The following KCTD8 variants were observed in gnomAD, a reference collection of about 807,000 sequenced individuals.
KCTD8 encodes BTB/POZ domain-containing protein KCTD8.
A neutral mutation model predicts 31.5 loss-of-function variants in KCTD8; 27 were observed. The ratio of observed to expected loss-of-function variants is 0.86; its 90% CI spans 0.63 to 1.18. The LOEUF is 1.18. KCTD8 is among the 50% of genes most tolerant of loss of function. KCTD8 has a pLI of 0.00. For missense variants in KCTD8, 658 were observed against 647.7 expected, an observed-to-expected ratio of 1.02 and a Z score of -0.17; for synonymous variants, 290 against 280.0, an observed-to-expected ratio of 1.04 and a Z score of -0.36.
chr4:44,421,389 G>A (rs1028795511), intron 1 of KCTD8, among the ~76,000 whole-genome samples: 2 of 151,718 alleles, frequency 1.3e-5, no homozygotes, highest in Non-Finnish European at 2.9e-5. Flanking sequence ...TTAAACATGC[G>A]TAAGTATCAC....
intron 1 of KCTD8, among the ~76,000 whole-genome samples, chr4:44,369,848 T>C (rs1719738233): frequency 6.6e-6 from 1 of 152,094 alleles, no homozygotes; most frequent in African/African-American, 2.4e-5. Context: ...CAGTAATAGA[T>C]GGACACAATT....
chr4:44,436,485 G>A (rs1439271798), intron 1 of KCTD8, among the ~76,000 whole-genome samples: 1 of 151,924 alleles, frequency 6.6e-6, no homozygotes, highest in Non-Finnish European at 1.5e-5. Context: ...TTTTAAAAAG[G>A]CTATATTTTT....
intron 1 of KCTD8, among the ~76,000 whole-genome samples, chr4:44,243,866 C>T (rs532227187): frequency 6.6e-6 from 1 of 152,290 alleles, no homozygotes; most frequent in African/African-American, 2.4e-5. Context: ...TAAATATCTT[C>T]CCATAGGTTA....
rs1216745329 is a variant in KCTD8, at chr4:44,279,084, C to A, written c.962-103834G>T. 3.3e-5 allele frequency among the ~76,000 whole-genome samples: 5 copies of A among 151,972 alleles called. 1 individual carries two copies. In the East Asian group the frequency reaches 9.7e-4, roughly 29 times the overall value. ...TGTGGCTTGGGATAAATTGGCTATA[C>A]CTTTACATTTCATTTTTATGTGTAA... On this transcript the variant is annotated intron_variant, in intron 1 of 1. Transcript: ENST00000360029.
At chr4:44,370,877 G>T (rs1408187493) in intron 1 of KCTD8, among the ~76,000 whole-genome samples, 2 of 152,134 alleles carry the variant, frequency 1.3e-5, no homozygotes, top group Non-Finnish European at 2.9e-5. Context: ...ATTAGTCAAG[G>T]TTCTCCAAAG....
intron 1 of KCTD8, among the ~76,000 whole-genome samples, chr4:44,343,986 G>A (rs986817486): frequency 6.6e-6 from 1 of 151,878 alleles, no homozygotes; most frequent in African/African-American, 2.4e-5. Context: ...AGCCTCCCAG[G>A]TAGCGGGGAC....
At chr4:44,233,689 T>G (rs533097635) in intron 1 of KCTD8, among the ~76,000 whole-genome samples, 1 of 152,288 alleles carries the variant, frequency 6.6e-6, no homozygotes, top group African/African-American at 2.4e-5. Flanking sequence ...ATATCAAAGG[T>G]TACCAACATT....
At position 44,394,706 on chromosome 4, in the gene KCTD8, G is replaced by A. The variant is rs559888593; in HGVS notation, c.961+52857C>T. On this transcript the variant is annotated intron_variant, in intron 1 of 1. Coordinates refer to ENST00000360029, the MANE Select transcript of KCTD8 (RefSeq NM_198353.3). ...TAAGACAGGTGAAGCATTACATCTA[G>A]GGATTTTGCTTACAACTCTAAACCA... 2.0e-5 allele frequency among the ~76,000 whole-genome samples: 3 copies of A among 152,076 alleles called. No individual in the cohort carries two copies. The East Asian group carries it at 5.8e-4, about 30-fold the overall frequency.
chr4:44,331,320 C>A (rs1245125478), intron 1 of KCTD8, among the ~76,000 whole-genome samples: 1 of 151,714 alleles, frequency 6.6e-6, no homozygotes, highest in African/African-American at 2.4e-5. Context: ...GGCAGGCATA[C>A]CCAGTGTTGA....
At chr4:44,205,290 C>A (rs1714268994) in intron 1 of KCTD8, among the ~76,000 whole-genome samples, 1 of 152,112 alleles carries the variant, frequency 6.6e-6, no homozygotes, top group Admixed American at 6.5e-5. Flanking sequence ...TTGACTGTAA[C>A]AATCTGGAAA....
chr4:44,235,500 T>G (rs1344978659), intron 1 of KCTD8, among the ~76,000 whole-genome samples: 1 of 130,700 alleles, frequency 7.7e-6, no homozygotes, highest in Non-Finnish European at 1.6e-5. Context: ...ATTTTACCCA[T>G]GTATACAGAA....
intron 1 of KCTD8, among the ~76,000 whole-genome samples, chr4:44,299,995 C>G (rs1224238199): frequency 6.6e-6 from 1 of 151,972 alleles, no homozygotes; most frequent in Non-Finnish European, 1.5e-5. Context: ...TCGTGACCAC[C>G]CGCCTCGGCC....
At chr4:44,416,829 C>A (rs1317553548) in intron 1 of KCTD8, among the ~76,000 whole-genome samples, 2 of 152,144 alleles carry the variant, frequency 1.3e-5, no homozygotes, top group African/African-American at 4.8e-5. Context: ...CAGATATTTC[C>A]TTATAGCAAT....
In KCTD8 at chr4:44,264,037, A is replaced by C. The variant is rs1716260385; in HGVS notation, c.962-88787T>G. 1.3e-5 allele frequency among the ~76,000 whole-genome samples: 2 copies of C among 152,202 alleles called. 1 individual carries two copies. The highest frequency in any genetic ancestry group is 2.9e-5 in the Non-Finnish European group (2 of 68,036). On this transcript the variant is annotated intron_variant, in intron 1 of 1. Coordinates refer to ENST00000360029, the MANE Select transcript of KCTD8 (RefSeq NM_198353.3). ...AAAGTAAGTTATCTCCTTTTGCCTA[A>C]ATTTTCTCATCTGTAAGATTCACAT...
At chr4:44,263,017 C>T (rs1229467145) in intron 1 of KCTD8, among the ~76,000 whole-genome samples, 1 of 152,134 alleles carries the variant, frequency 6.6e-6, no homozygotes, top group Non-Finnish European at 1.5e-5. Context: ...GGGCAGGGGG[C>T]TGCTTCCTAT....
At chr4:44,249,552 A>G (rs1217118928) in intron 1 of KCTD8, among the ~76,000 whole-genome samples, 2 of 151,824 alleles carry the variant, frequency 1.3e-5, no homozygotes, top group Non-Finnish European at 2.9e-5. Context: ...GCAGTCATAG[A>G]TGACAAATAA....
intron 1 of KCTD8, among the ~76,000 whole-genome samples, chr4:44,436,326 G>A (rs565735911): frequency 4.9e-4 from 74 of 152,062 alleles, no homozygotes; most frequent in Non-Finnish European, 7.9e-4. Context: ...ACATTAATCA[G>A]CTCAACAAGA....
chr4:44,196,377 G>A (rs1043340435), intron 1 of KCTD8, among the ~76,000 whole-genome samples: 1 of 152,128 alleles, frequency 6.6e-6, no homozygotes, highest in African/African-American at 2.4e-5. Flanking sequence ...GGTAAGACAC[G>A]ATATGCAAGG....
intron 1 of KCTD8, among the ~76,000 whole-genome samples, chr4:44,192,129 G>T (rs980611023): frequency 6.6e-6 from 1 of 152,064 alleles, no homozygotes; most frequent in Non-Finnish European, 1.5e-5. Context: ...ATTGGGGGCG[G>T]GTTCCCCCGA....
Sources: gnomAD v4.1 joint callset for allele counts (sites outside exome capture counted in the v4.1 genomes callset) on GRCh38, gnomAD v4.1.1 for gene constraint, MANE v1.5 for transcripts, NCBI Gene and HGNC (gene_info 2026-07-23, HGNC 2026-07-21) for gene names.